The following C19orf38 variants were observed in gnomAD, a reference collection of about 807,000 sequenced individuals.
The protein encoded by C19orf38 is protein HIDE1.
In C19orf38, 14 loss-of-function variants were observed where a neutral mutation model predicts 26.6. The ratio of observed to expected loss-of-function variants is 0.53; its 90% CI spans 0.35 to 0.82. The LOEUF is 0.82. C19orf38 is among the 40% of genes least tolerant of loss of function. The pLI, the probability that C19orf38 is intolerant of heterozygous loss-of-function variation, is 0.01. For missense variants in C19orf38, 261 were observed against 299.5 expected (o/e 0.87, Z 0.95); for synonymous variants, 132 against 128.5 (o/e 1.03, Z -0.18).
At chr19:10,856,181 G>C in intron 2 of C19orf38, 84 bp from the exon 3 acceptor site, 1 of 1,078,000 alleles carries the variant, frequency 9.3e-7, no homozygotes, top group South Asian at 1.4e-5. Flanking sequence ...TTGGTTGGGG[G>C]TTATGGGGTA....
rs112304443 is a variant in C19orf38 at position 10,860,260 on chromosome 19, G to A, written c.505+302G>A. Among the ~76,000 whole-genome samples the A allele has an allele frequency of 3.6e-3, 552 of 152,104 alleles. 1 individual carries two copies. The highest frequency in any genetic ancestry group is 5.6e-3 in the Non-Finnish European group (378 of 67,990). The stretch of plus-strand genomic sequence containing the variant: ...TAGAAATACAATTAGGCGGCCAGGC[G>A]CGGTGACTCACAACTGTCATCCCAG... On this transcript the variant is annotated intron_variant, in intron 5 of 6. Transcript: ENST00000397820.
chr19:10,850,097 G>A (rs920195468), intron 1 of C19orf38, among the ~76,000 whole-genome samples, 162 bp from the exon 2 acceptor site: 1 of 152,036 alleles, frequency 6.6e-6, no homozygotes, highest in Non-Finnish European at 1.5e-5. Context: ...CAACTACAGG[G>A]AGCCGTCACC....
At chr19:10,862,947 A>C (rs1294841329) in intron 5 of C19orf38, among the ~76,000 whole-genome samples, 2 of 152,092 alleles carry the variant, frequency 1.3e-5, no homozygotes, top group Admixed American at 1.3e-4. Context: ...TCCTGAGGGC[A>C]GTGAGAGATA....
chr19:10,864,128 T>G (rs896056735), intron 6 of C19orf38, among the ~76,000 whole-genome samples: 23 of 151,172 alleles, frequency 1.5e-4, no homozygotes, highest in African/African-American at 5.6e-4. Flanking sequence ...TGGTGTGATC[T>G]CGGCTCACAC....
At chr19:10,856,755 C>T (rs1000834999) in intron 3 of C19orf38, among the ~76,000 whole-genome samples, 8 of 151,930 alleles carry the variant, frequency 5.3e-5, no homozygotes, top group South Asian at 2.1e-4. Flanking sequence ...CCGCCCACCT[C>T]GGCCTCCCAA....
At chr19:10,857,366 A>ATATATATATAT (rs1433358051) in intron 3 of C19orf38, among the ~76,000 whole-genome samples, 24 of 56,078 alleles carry the variant, frequency 4.3e-4, no homozygotes, top group African/African-American at 1.2e-3. Context: ...ATATATATAT[A>ATATATATATAT]TTTTTTTTTT....
At chr19:10,844,834 C>A (rs1279297478), upstream of C19orf38, among the ~76,000 whole-genome samples, 1 of 124,270 alleles carries the variant, frequency 8.0e-6, no homozygotes, top group Non-Finnish European at 1.6e-5. Context: ...GGCGACAGAG[C>A]GAGATTCCAT....
chr19:10,868,321 C>T (rs1455549056), intron 6 of C19orf38, among the ~76,000 whole-genome samples: 1 of 152,122 alleles, frequency 6.6e-6, no homozygotes, highest in Non-Finnish European at 1.5e-5. Context: ...GGTCACCCAG[C>T]TTGGGAGGGA....
chr19:10,850,327 A>C lies in C19orf38; in HGVS notation c.100A>C (p.Ile34Leu). ...GTACCCAAGCAGCCAAGAGGACCCC[A>C]TCCACATCGCATGCATGGCCCCTGG... The part of the protein sequence containing the change: ...PPYPSSQEDP[I>L]HIACMAPGNF... Residue 34 changes from isoleucine to leucine, a missense_variant, in exon 2 of 7, where the codon ATC (isoleucine) becomes CTC (leucine). Coordinates refer to ENST00000397820, the MANE Select transcript of C19orf38 (RefSeq NM_001136482.3). 1 of 1,551,308 alleles carries C rather than the reference A, an allele frequency of 6.4e-7. No individual in the cohort carries two copies. Among genetic ancestry groups the C allele is most frequent in the Non-Finnish European group, 8.7e-7 (1 of 1,146,942 alleles).
In C19orf38 at chr19:10,863,170, A is replaced by G; in HGVS notation, c.506A>G (p.Asp169Gly). Reference protein sequence around the residue: ...CWAQINFDSTDMSFDNSLFTV... With the variant: ...CWAQINFDSTGMSFDNSLFTV... ...GGTTTTCTTTCTCTTTCTGTTTCAG[A>G]CATGTCCTTCGATAACTCCCTGTTT... Residue 169 changes from aspartate to glycine, a missense_variant and splice_region_variant, in exon 6 of 7, where the codon GAC becomes GGC. Asp to Gly is a moderately conservative substitution (Grantham distance 94, BLOSUM62 -1). Transcript: ENST00000397820. 2 of 1,551,394 alleles carry G rather than the reference A, an allele frequency of 1.3e-6. No homozygotes were observed. The highest frequency in any genetic ancestry group is 1.7e-6 in the Non-Finnish European group (2 of 1,146,798).
At chr19:10,846,737 A>G (rs2073521528), upstream of C19orf38, among the ~76,000 whole-genome samples, 1 of 152,220 alleles carries the variant, frequency 6.6e-6, no homozygotes, top group African/African-American at 2.4e-5. Flanking sequence ...ATAACTTTAC[A>G]CCAATACATT....
At chr19:10,837,125 C>A (rs1283538646) in intron 1 of C19orf38, among the ~76,000 whole-genome samples, 1 of 152,228 alleles carries the variant, frequency 6.6e-6, no homozygotes, top group Non-Finnish European at 1.5e-5. Flanking sequence ...ACTGGGCTGT[C>A]TTTAGGATAC....
rs1170650305 is a variant in C19orf38, at chr19:10,869,416, G to A, written c.*49G>A. 4 of 1,505,148 alleles carry A rather than the reference G, an allele frequency of 2.7e-6. No homozygotes were observed. The Admixed American group carries it at 7.3e-5, about 27-fold the overall frequency. 93.2% of individuals were successfully genotyped at this position (1,505,148 alleles called of 1,614,324 possible). On this transcript the variant is annotated 3_prime_UTR_variant, in exon 7 of 7. Coordinates refer to ENST00000397820, the MANE Select transcript of C19orf38 (RefSeq NM_001136482.3). ...TGTCTCCAGGCATTCGGGGGCCTGA[G>A]GTCCCTCCAGCTACTTCTGGGGGGG...
chr19:10,851,485 T>G (rs2146254502), intron 2 of C19orf38, among the ~76,000 whole-genome samples: 1 of 152,162 alleles, frequency 6.6e-6, no homozygotes, highest in Non-Finnish European at 1.5e-5. Context: ...AGACTACAGG[T>G]GTGCACCACC....
In C19orf38 at chr19:10,865,049, C is replaced by T. The variant is rs143980868; in HGVS notation, c.543+1842C>T. 4.1e-4 allele frequency among the ~76,000 whole-genome samples: 62 copies of T among 152,326 alleles called. No individual in the cohort carries two copies. The East Asian group carries it at 6.0e-3, about 15-fold the overall frequency. ...AAATCCTGAGGCCATAAGAAAAACCCGGCAGGCAGGGCTCAATCTAAACGT... is the reference window on the plus strand; with the variant it reads ...AAATCCTGAGGCCATAAGAAAAACCTGGCAGGCAGGGCTCAATCTAAACGT... On this transcript the variant is annotated intron_variant, in intron 6 of 6. Transcript: ENST00000397820.
At position 10,859,370 on chromosome 19, in the gene C19orf38, ATATATATATATATATTTTT is replaced by A. The variant is rs1335149403; in HGVS notation, c.462-543_462-525del. On this transcript the variant is annotated intron_variant, in intron 4 of 6. Transcript: ENST00000397820. ...TGTGTATATATATATATATATATAT[ATATATATATATATATTTTT>A]TTTTTTTTTTTTAGACGGAGTCTCA... Among the ~76,000 whole-genome samples the A allele has an allele frequency of 7.6e-4, 59 of 77,640 alleles. 2 individuals are homozygous for A. The highest frequency in any genetic ancestry group is 4.6e-3 in the African/African-American group (55 of 11,844). The allele number at this position is 77,640 out of a possible 152,430, so 50.9% of individuals were successfully genotyped here. A position where few individuals can be genotyped will look rare whatever the true frequency, so the allele number is the denominator to read the frequency against.
At chr19:10,850,867 C>T (rs2073565695) in intron 2 of C19orf38, among the ~76,000 whole-genome samples, 1 of 152,090 alleles carries the variant, frequency 6.6e-6, no homozygotes, top group Non-Finnish European at 1.5e-5. Flanking sequence ...TGTCAGGCAG[C>T]CCGTCTCCCT....
At chr19:10,843,758 C>T (rs916474507), upstream of C19orf38, among the ~76,000 whole-genome samples, 2 of 152,032 alleles carry the variant, frequency 1.3e-5, no homozygotes, top group Non-Finnish European at 2.9e-5. Flanking sequence ...GTGGGAGACA[C>T]GGGACACTGC....
intron 1 of C19orf38, among the ~76,000 whole-genome samples, chr19:10,838,271 G>A (rs747280220): frequency 1.3e-5 from 2 of 152,116 alleles, no homozygotes; most frequent in African/African-American, 4.8e-5. Flanking sequence ...TTAGCCAGGC[G>A]TGGTGGCGGG....
Sources: gnomAD v4.1 joint callset for allele counts (sites outside exome capture counted in the v4.1 genomes callset) on GRCh38, gnomAD v4.1.1 for gene constraint, MANE v1.5 for transcripts, NCBI Gene and HGNC (gene_info 2026-07-23, HGNC 2026-07-21) for gene names.